The following MEGF9 variants were observed in gnomAD, a reference collection of about 807,000 sequenced individuals.
MEGF9 encodes the protein multiple epidermal growth factor-like domains protein 9.
In MEGF9, 6 loss-of-function variants were observed where a neutral mutation model predicts 46.8. The observed-to-expected ratio is 0.13, with a 90% CI of 0.07 to 0.25. The LOEUF is 0.25. MEGF9 is among the 10% of genes least tolerant of loss of function. The probability of loss-of-function intolerance (pLI) is 1.00; values close to 1 mark genes in which losing one functional copy is unlikely to be tolerated. For missense variants in MEGF9, 683 were observed against 792.4 expected (o/e 0.86, Z 1.66); for synonymous variants, 302 against 330.7 (o/e 0.91, Z 0.94).
intron 1 of MEGF9, among the ~76,000 whole-genome samples, chr9:120,662,956 T>TA (rs2043709315): frequency 6.6e-6 from 1 of 152,214 alleles, no homozygotes. Context: ...ATGTGTGCCT[T>TA]AAAATACATT....
chr9:120,707,243 C>T (rs543423663), intron 1 of MEGF9, among the ~76,000 whole-genome samples: 2 of 152,230 alleles, frequency 1.3e-5, no homozygotes, highest in East Asian at 3.9e-4. Context: ...AGTCCACAAT[C>T]CCTCAAATCT....
At chr9:120,616,485 C>T (rs1564412718) in intron 3 of MEGF9, among the ~76,000 whole-genome samples, 1 of 151,778 alleles carries the variant, frequency 6.6e-6, no homozygotes, top group South Asian at 2.1e-4. Context: ...CAAGACCATC[C>T]CGGCTAACAC....
intron 2 of MEGF9, among the ~76,000 whole-genome samples, chr9:120,638,203 G>A (rs1468017934): frequency 6.6e-6 from 1 of 152,142 alleles, no homozygotes; most frequent in Non-Finnish European, 1.5e-5. Context: ...TGTTACCCAC[G>A]TTGGTCTTTA....
chr9:120,642,069 C>CT (rs1245495585), intron 2 of MEGF9, among the ~76,000 whole-genome samples: 10 of 152,208 alleles, frequency 6.6e-5, no homozygotes, highest in Non-Finnish European at 5.9e-5. Flanking sequence ...AAATGCCTGC[C>CT]TTTTAACTTA....
At chr9:120,664,868 A>G (rs2043718057) in intron 1 of MEGF9, among the ~76,000 whole-genome samples, 1 of 152,166 alleles carries the variant, frequency 6.6e-6, no homozygotes, top group African/African-American at 2.4e-5. Flanking sequence ...ATTCAACAAC[A>G]ATTTCACTCT....
At position 120,628,468 on chromosome 9, in the gene MEGF9, GTTTTTTTTTTTT is replaced by G. The variant is rs1170322238; in HGVS notation, c.804-5725_804-5714del. Among the ~76,000 whole-genome samples, 30 of 69,062 alleles carry G rather than the reference GTTTTTTTTTTTT, an allele frequency of 4.3e-4. 1 individual carries two copies. Among genetic ancestry groups the G allele is most frequent in the African/African-American group, 1.6e-3 (28 of 17,178 alleles). 45.3% of individuals were successfully genotyped at this position (69,062 alleles called of 152,430 possible). A position where few individuals can be genotyped will look rare whatever the true frequency, so the allele number is the denominator to read the frequency against. On this transcript the variant is annotated intron_variant, in intron 2 of 5. Coordinates refer to ENST00000373930, the MANE Select transcript of MEGF9 (RefSeq NM_001080497.3). ...TATTCAGACAGAAATTCTTGTCGTTGTTTTTTTTTTTTTTTTTTTTTTTTTTTCAGAGACAGA... is the reference window on the plus strand; with the variant it reads ...TATTCAGACAGAAATTCTTGTCGTTGTTTTTTTTTTTTTTTCAGAGACAGA...
At chr9:120,694,487 T>C (rs1165542431) in intron 1 of MEGF9, among the ~76,000 whole-genome samples, 1 of 152,270 alleles carries the variant, frequency 6.6e-6, no homozygotes, top group African/African-American at 2.4e-5. Context: ...CCAGGAATTC[T>C]AAGTGTTTTA....
In MEGF9 at chr9:120,604,465, C is replaced by T. The variant is rs796368676; in HGVS notation, c.*725G>A. 4 of 152,598 alleles carry T rather than the reference C, an allele frequency of 2.6e-5. No individual in the cohort carries two copies. Among genetic ancestry groups the T allele is most frequent in the African/African-American group, 9.6e-5 (4 of 41,492 alleles). 9.5% of individuals were successfully genotyped at this position (152,598 alleles called of 1,614,324 possible). A position where few individuals can be genotyped will look rare whatever the true frequency, so the allele number is the denominator to read the frequency against. On this transcript the variant is annotated 3_prime_UTR_variant, in exon 6 of 6. Transcript: ENST00000373930. ...CCAGATATGCTACATTAACTATGTA[C>T]ACCTTATTTCTCTAGAGGCAGGAAT...
In MEGF9 at chr9:120,656,072, T is replaced by C. The variant is rs901094429; in HGVS notation, c.803+3302A>G. ...TGTTAAATACCAAGAGGCTTTCTAC[T>C]AGGAAAAACACGAACTGTGAAGTCA... On this transcript the variant is annotated intron_variant, in intron 2 of 5. Transcript: ENST00000373930. Among the ~76,000 whole-genome samples, 9 of 152,212 alleles carry C rather than the reference T, an allele frequency of 5.9e-5. No homozygotes were observed. In the East Asian group the frequency reaches 1.2e-3, roughly 19 times the overall value.
chr9:120,618,152 A>C (rs2043480438), intron 3 of MEGF9, among the ~76,000 whole-genome samples: 1 of 152,222 alleles, frequency 6.6e-6, no homozygotes, highest in Non-Finnish European at 1.5e-5. Context: ...GCTAAAACAA[A>C]CAAACAAATA....
chr9:120,636,736 C>G (rs1295583836), intron 2 of MEGF9, among the ~76,000 whole-genome samples: 1 of 151,596 alleles, frequency 6.6e-6, no homozygotes, highest in Non-Finnish European at 1.5e-5. Context: ...CGTCTGGGAA[C>G]TGAGGAGCGC....
intron 1 of MEGF9, among the ~76,000 whole-genome samples, chr9:120,693,655 C>T: frequency 6.6e-6 from 1 of 152,190 alleles, no homozygotes; most frequent in Non-Finnish European, 1.5e-5. Context: ...GTATTATTCA[C>T]AAGTTAAAAA....
At chr9:120,681,418 C>T (rs552973117) in intron 1 of MEGF9, among the ~76,000 whole-genome samples, 3 of 152,228 alleles carry the variant, frequency 2.0e-5, no homozygotes, top group South Asian at 2.1e-4. Flanking sequence ...AGACAAAGTC[C>T]GCTTTACTCT....
intron 3 of MEGF9, 50 bp from the exon 4 acceptor site, chr9:120,612,589 A>G: frequency 6.6e-7 from 1 of 1,526,000 alleles, no homozygotes; most frequent in Non-Finnish European, 8.8e-7. Flanking sequence ...CTTGAAAGCC[A>G]AGTAACTTTC....
intron 2 of MEGF9, among the ~76,000 whole-genome samples, chr9:120,656,990 C>G: frequency 6.6e-6 from 1 of 152,024 alleles, no homozygotes; most frequent in East Asian, 1.9e-4. Context: ...CTAAAAATAC[C>G]CACCATGATT....
chr9:120,637,025 T>C (rs192869722), intron 2 of MEGF9, among the ~76,000 whole-genome samples: 2 of 152,296 alleles, frequency 1.3e-5, no homozygotes, highest in Admixed American at 1.3e-4. Context: ...AGAGATCAGA[T>C]TGTTATTGTG....
intron 1 of MEGF9, among the ~76,000 whole-genome samples, chr9:120,663,733 T>G (rs936325465): frequency 6.6e-6 from 1 of 152,164 alleles, no homozygotes; most frequent in African/African-American, 2.4e-5. Context: ...TGCCTAAAAG[T>G]AAATATGGAA....
At chr9:120,660,517 ATTCTTTCTATT>A (rs946985484) in intron 1 of MEGF9, among the ~76,000 whole-genome samples, 1 of 152,098 alleles carries the variant, frequency 6.6e-6, no homozygotes, top group African/African-American at 2.4e-5. Context: ...GGTCTTATTC[ATTCTTTCTATT>A]TTTTTTTGTA....
intron 2 of MEGF9, among the ~76,000 whole-genome samples, chr9:120,634,446 C>CT (rs1158273579): frequency 0.019 from 885 of 46,870 alleles, 314 homozygotes; most frequent in African/African-American, 0.031. Context: ...TGTGGAATAT[C>CT]TTTTTTTTTT....
Sources: allele counts gnomAD v4.1 joint callset (sites outside exome capture counted in the v4.1 genomes callset), GRCh38; gene constraint gnomAD v4.1.1; transcripts MANE v1.5; gene names NCBI Gene and HGNC (gene_info 2026-07-23, HGNC 2026-07-21).